Variants in DYNC1H1 observed in about 807,000 individuals in gnomAD.
DYNC1H1 encodes the protein cytoplasmic dynein 1 heavy chain 1.
A neutral mutation model predicts 527.1 loss-of-function variants in DYNC1H1; 51 were observed. The observed-to-expected ratio is 0.10, with a 90% CI of 0.08 to 0.12. The LOEUF (loss-of-function observed/expected upper bound fraction) is 0.12, where lower values mean the gene tolerates loss of function less well. DYNC1H1 is among the 10% of genes least tolerant of loss of function. The pLI is 1.00. For synonymous variants in DYNC1H1, 2,189 were observed against 2,278.8 expected (o/e 0.96, Z 1.12); for missense variants, 2,771 against 5,971.8 (o/e 0.46, Z 17.66).
At chr14:102,003,042 T>C (rs2048149684) in intron 23 of DYNC1H1, 77 bp downstream of exon 23, 2 of 1,588,724 alleles carry the variant, frequency 1.3e-6, no homozygotes, top group South Asian at 2.2e-5. Context: ...CTTCTTTCCC[T>C]TCTGGGCCTG....
At chr14:102,003,110 C>T in intron 23 of DYNC1H1, 145 bp downstream of exon 23, 16 of 1,108,948 alleles carry the variant, frequency 1.4e-5, no homozygotes, top group Non-Finnish European at 2.1e-5. Context: ...TAATGATTAC[C>T]ATTCCCTTCC....
At chr14:102,045,302 CAA>C (rs34968643) in intron 72 of DYNC1H1, 76 of 87,594 alleles carry the variant, frequency 8.7e-4, no homozygotes, top group Non-Finnish European at 1.3e-3. Context: ...GACTCTGTCT[CAA>C]AAAAAAAAAA....
Position 102,005,327 on chromosome 14 carries a change from C to G in DYNC1H1, c.5433+91C>G. The G allele has an allele frequency of 2.6e-6, 4 of 1,542,342 alleles. No individual in the cohort carries two copies. In the East Asian group the frequency reaches 9.0e-5, roughly 35 times the overall value. ...TGGAAATCATGCTTGAAAAAGGTTT[C>G]AGGTAGTATCAAGGAGAACAGTGGA... is the stretch of plus-strand genomic sequence containing the variant. On this transcript the variant is annotated intron_variant, in intron 26 of 77. Transcript: ENST00000360184. This position sits in a 1 kb window ranked among gnomAD's most constrained non-coding sequence, Gnocchi z 4.0.
chr14:101,964,998 A>C lies in DYNC1H1; in HGVS notation c.256+51A>C, dbSNP rs2047648732. ...GCCAGAGCCAGGCCTCGCGGAATGC[A>C]GGGCCTGCCAGGTCCTCCGGGGTCG... On this transcript the variant is annotated intron_variant, in intron 1 of 77. Coordinates refer to ENST00000360184, the MANE Select transcript of DYNC1H1 (RefSeq NM_001376.5). The surrounding 1 kb of genome is among the most constrained non-coding windows in gnomAD (Gnocchi z 5.5). The C allele has an allele frequency of 1.3e-6, 2 of 1,536,162 alleles. No individual in the cohort carries two copies. The highest frequency in any genetic ancestry group is 1.4e-5 in the African/African-American group (1 of 73,088).
At chr14:102,007,212 A>G in intron 28 of DYNC1H1, 104 bp downstream of exon 28, 1 of 1,279,508 alleles carries the variant, frequency 7.8e-7, no homozygotes, top group Middle Eastern at 1.8e-4. Context: ...CTTACAGCTC[A>G]GCGTGGTTTA....
chr14:102,051,095 C>G lies in DYNC1H1; in HGVS notation c.*532C>G. 1 of 212,132 alleles carries G rather than the reference C, an allele frequency of 4.7e-6. No homozygotes were observed. Among genetic ancestry groups the G allele is most frequent in the Admixed American group, 5.3e-5 (1 of 18,974 alleles). 13.1% of individuals were successfully genotyped at this position (212,132 alleles called of 1,614,324 possible). On this transcript the variant is annotated 3_prime_UTR_variant, in exon 78 of 78. Coordinates refer to ENST00000360184, the MANE Select transcript of DYNC1H1 (RefSeq NM_001376.5). ...CCTCGGCAACATAGTGAGACCCCGT[C>G]TCTACAGGAAATTAAATCAGGTGTG...
At chr14:102,048,973 C>A in intron 74 of DYNC1H1, 1 of 464,742 alleles carries the variant, frequency 2.2e-6, no homozygotes, top group Admixed American at 3.4e-5. Context: ...AGGATGGTGA[C>A]AGACGGTAGT....
chr14:101,972,094 G>A (rs981805683), intron 1 of DYNC1H1, among the ~76,000 whole-genome samples: 2 of 152,076 alleles, frequency 1.3e-5, no homozygotes, highest in South Asian at 4.1e-4. Context: ...ACTGAAAGTG[G>A]TATTACTTAA....
Position 101,979,279 on chromosome 14 carries a change from G to A in DYNC1H1, c.345-40G>A, listed in dbSNP as rs2047836224. On this transcript the variant is annotated intron_variant, in intron 2 of 77. Transcript: ENST00000360184. The surrounding 1 kb of genome is among the most constrained non-coding windows in gnomAD (Gnocchi z 4.6). Reference sequence around the variant, plus strand: ...TTTAAATTAATAAGCCTAATTAGGAGTGTAACTTTTCTAATTTCTTGTTTT... The same window carrying A: ...TTTAAATTAATAAGCCTAATTAGGAATGTAACTTTTCTAATTTCTTGTTTT... The A allele has an allele frequency of 1.9e-6, 3 of 1,589,060 alleles. No homozygotes were observed. The East Asian group carries it at 6.7e-5, about 36-fold the overall frequency.
At position 102,033,872 on chromosome 14, in the gene DYNC1H1, C is replaced by A; in HGVS notation, c.10414-104C>A. 1 of 1,324,184 alleles carries A rather than the reference C, an allele frequency of 7.6e-7. No individual in the cohort carries two copies. The highest frequency in any genetic ancestry group is 1.4e-5 in the African/African-American group (1 of 69,360). The allele number at this position is 1,324,184 out of a possible 1,614,324, so 82.0% of individuals were successfully genotyped here. A position where few individuals can be genotyped will look rare whatever the true frequency, so the allele number is the denominator to read the frequency against. ...GTGAACAACTTGGGCACGTTTCTAA[C>A]CCACCCAAAACCCTGCACATAATGT... is the stretch of plus-strand genomic sequence containing the variant. On this transcript the variant is annotated intron_variant, in intron 54 of 77. Coordinates refer to ENST00000360184, the MANE Select transcript of DYNC1H1 (RefSeq NM_001376.5). This position sits in a 1 kb window ranked among gnomAD's most constrained non-coding sequence, Gnocchi z 5.6.
Position 102,050,789 on chromosome 14 carries a change from A to C in DYNC1H1, c.*226A>C. 1 of 588,480 alleles carries C rather than the reference A, an allele frequency of 1.7e-6. No homozygotes were observed. The highest frequency in any genetic ancestry group is 3.0e-6 in the Non-Finnish European group (1 of 338,280). 36.5% of individuals were successfully genotyped at this position (588,480 alleles called of 1,614,324 possible). A position where few individuals can be genotyped will look rare whatever the true frequency, so the allele number is the denominator to read the frequency against. On this transcript the variant is annotated 3_prime_UTR_variant, in exon 78 of 78. Coordinates refer to ENST00000360184, the MANE Select transcript of DYNC1H1 (RefSeq NM_001376.5). Reference sequence around the variant, plus strand: ...CCTTTGAGGAAATAAAACACTAAGCATGAGCCGGCTCCGCCTCTTCTGTCT... The same window carrying C: ...CCTTTGAGGAAATAAAACACTAAGCCTGAGCCGGCTCCGCCTCTTCTGTCT...
rs1487100402 is a variant in DYNC1H1 at position 102,029,845 on chromosome 14, G to C, written c.9669G>C (p.Arg3223Ser). Residue 3223 changes from arginine to serine, a missense_variant, in exon 50 of 78, where the codon AGG becomes AGC. Arg to Ser is a moderately radical substitution (Grantham distance 110). Coordinates refer to ENST00000360184, the MANE Select transcript of DYNC1H1 (RefSeq NM_001376.5). The surrounding 1 kb of genome is among the most constrained non-coding windows in gnomAD (Gnocchi z 5.3). ...TAGAAGAACTGCGTCGTGACTTGAG[G>C]ATAAAGAGCCAAGAGCTGGAGGTGA... is the stretch of plus-strand genomic sequence containing the variant. Reference protein sequence around the residue: ...DQVEELRRDLRIKSQELEVKN... With the variant: ...DQVEELRRDLSIKSQELEVKN... The C allele has an allele frequency of 6.2e-7, 1 of 1,614,040 alleles. No individual in the cohort carries two copies. Among genetic ancestry groups the C allele is most frequent in the Non-Finnish European group, 8.5e-7 (1 of 1,180,042 alleles).
chr14:102,016,660 C>A lies in DYNC1H1; in HGVS notation c.7615-106C>A. The A allele has an allele frequency of 6.5e-7, 1 of 1,530,652 alleles. No individual in the cohort carries two copies. The highest frequency in any genetic ancestry group is 8.9e-7 in the Non-Finnish European group (1 of 1,120,080). The allele number at this position is 1,530,652 out of a possible 1,614,324, so 94.8% of individuals were successfully genotyped here. On this transcript the variant is annotated intron_variant, in intron 37 of 77. Transcript: ENST00000360184. This position sits in a 1 kb window ranked among gnomAD's most constrained non-coding sequence, Gnocchi z 7.3. Reference sequence around the variant, plus strand: ...AGCAAAGAGTGCAGATTAACCTGACCAATTACTTCCTTGTTCTGAAAGTTC... The same window carrying A: ...AGCAAAGAGTGCAGATTAACCTGACAAATTACTTCCTTGTTCTGAAAGTTC...
At position 102,033,682 on chromosome 14, in the gene DYNC1H1, C is replaced by A; in HGVS notation, c.10413+198C>A. The A allele has an allele frequency of 2.7e-6, 2 of 749,860 alleles. No homozygotes were observed. The highest frequency in any genetic ancestry group is 4.4e-6 in the Non-Finnish European group (2 of 453,530). The allele number at this position is 749,860 out of a possible 1,614,324, so 46.5% of individuals were successfully genotyped here. On this transcript the variant is annotated intron_variant, in intron 54 of 77. Coordinates refer to ENST00000360184, the MANE Select transcript of DYNC1H1 (RefSeq NM_001376.5). The surrounding 1 kb of genome is among the most constrained non-coding windows in gnomAD (Gnocchi z 5.6). ...TGTTGTTAATTAGGATAGATTGATA[C>A]AAACTGGACACTTTTCAGCCGTTGA...
intron 15 of DYNC1H1, among the ~76,000 whole-genome samples, chr14:101,996,274 C>T (rs777103293): frequency 1.6e-4 from 24 of 151,218 alleles, no homozygotes; most frequent in Non-Finnish European, 3.4e-4. Context: ...GAATTACAGG[C>T]GCCCACCACC....
In DYNC1H1 at chr14:102,041,781, C is replaced by A; in HGVS notation, c.12102+47C>A. On this transcript the variant is annotated intron_variant, in intron 65 of 77. Coordinates refer to ENST00000360184, the MANE Select transcript of DYNC1H1 (RefSeq NM_001376.5). This position sits in a 1 kb window ranked among gnomAD's most constrained non-coding sequence, Gnocchi z 4.5. Reference sequence around the variant, plus strand: ...GGCTTCCCACGAGACTCCATGCCCACCTCCCCAGCCACAGGTGGCAGCAGC... The same window carrying A: ...GGCTTCCCACGAGACTCCATGCCCAACTCCCCAGCCACAGGTGGCAGCAGC... The A allele has an allele frequency of 6.2e-7, 1 of 1,612,668 alleles. No homozygotes were observed. The highest frequency in any genetic ancestry group is 1.3e-5 in the African/African-American group (1 of 75,056).
Position 101,979,658 on chromosome 14 carries a change from G to T in DYNC1H1, c.519-61G>T. The T allele has an allele frequency of 6.2e-7, 1 of 1,611,932 alleles. No homozygotes were observed. Among genetic ancestry groups the T allele is most frequent in the Non-Finnish European group, 8.5e-7 (1 of 1,179,648 alleles). On this transcript the variant is annotated intron_variant, in intron 3 of 77. Coordinates refer to ENST00000360184, the MANE Select transcript of DYNC1H1 (RefSeq NM_001376.5). This position sits in a 1 kb window ranked among gnomAD's most constrained non-coding sequence, Gnocchi z 4.6. Reference sequence around the variant, plus strand: ...CATTACTATTTGACAGACCTGAAATGATGGGATCTCTTTGGAGACCAATAG... The same window carrying T: ...CATTACTATTTGACAGACCTGAAATTATGGGATCTCTTTGGAGACCAATAG...
rs2152597466 is a variant in DYNC1H1 at position 102,043,922 on chromosome 14, T to C, written c.12561T>C (p.His4187=). The C allele has an allele frequency of 1.9e-6, 3 of 1,614,224 alleles. No individual in the cohort carries two copies. Among genetic ancestry groups the C allele is most frequent in the Admixed American group, 1.7e-5 (1 of 60,020 alleles). Residue 4187 remains histidine (H), a synonymous_variant, in exon 70 of 78, where the codon CAT becomes CAC. Coordinates refer to ENST00000360184, the MANE Select transcript of DYNC1H1 (RefSeq NM_001376.5). The part of the protein sequence containing the change: ...ARLYFLLAWF[H]AIIQERLRYA... ...TGTACTTCCTGCTGGCCTGGTTTCATGCGATCATCCAAGAACGCTTACGAT... is the reference window on the plus strand; with the variant it reads ...TGTACTTCCTGCTGGCCTGGTTTCACGCGATCATCCAAGAACGCTTACGAT...
At chr14:102,026,935 T>C in intron 44 of DYNC1H1, 1 of 778,304 alleles carries the variant, frequency 1.3e-6, no homozygotes, top group South Asian at 1.6e-5. Context: ...GCCATAATTA[T>C]GGCCCTTTGA....
Sources: allele counts gnomAD v4.1 joint callset (sites outside exome capture counted in the v4.1 genomes callset), GRCh38; gene constraint gnomAD v4.1.1; non-coding constraint Gnocchi (gnomAD v3.1); transcripts MANE v1.5; gene names NCBI Gene and HGNC (gene_info 2026-07-23, HGNC 2026-07-21).